Variants in CEP112 observed in about 807,000 individuals in gnomAD.
CEP112 encodes centrosomal protein 112, also known as centrosomal protein of 112 kDa.
A neutral mutation model predicts 153.0 loss-of-function variants in CEP112; 127 were observed. The observed-to-expected ratio is 0.83, with a 90% CI of 0.72 to 0.96. The LOEUF (loss-of-function observed/expected upper bound fraction) is 0.96. CEP112 is among the 40% of genes least tolerant of loss of function. The probability of loss-of-function intolerance (pLI) is 0.00; values close to 1 mark genes in which losing one functional copy is unlikely to be tolerated. For missense variants in CEP112, 1,089 were observed against 1,101.2 expected (o/e 0.99, Z 0.16); for synonymous variants, 358 against 374.4 (o/e 0.96, Z 0.51).
chr17:66,154,118 G>A (rs2071329167), intron 4 of CEP112, among the ~76,000 whole-genome samples: 1 of 152,096 alleles, frequency 6.6e-6, no homozygotes, highest in Non-Finnish European at 1.5e-5. Flanking sequence ...GGTGGAGGTT[G>A]CAGTGAGCCA....
In CEP112 at chr17:66,183,239, C is replaced by T. The variant is rs776829869; in HGVS notation, c.61G>A (p.Val21Met). The part of the protein sequence containing the change: ...EKLDAEFDHF[V>M]VDMKPFVLKL... ...AGAACAAAGGGCTTCATATCAACCACAAAGTGATCAAATTCTGCATCCAGC... is the reference window on the plus strand; with the variant it reads ...AGAACAAAGGGCTTCATATCAACCATAAAGTGATCAAATTCTGCATCCAGC... The change falls in exon 2 of 27, where the codon GTG becomes ATG. Residue 21 changes from valine (V) to methionine (M), a missense_variant. By Grantham distance (21) the Val-to-Met change is conservative. Coordinates refer to ENST00000535342, the MANE Select transcript of CEP112 (RefSeq NM_001199165.4). 6.2e-7 allele frequency: 1 copy of T among 1,612,662 alleles called. No individual in the cohort carries two copies.
intron 15 of CEP112, among the ~76,000 whole-genome samples, chr17:66,028,100 C>A (rs1054326287): frequency 1.4e-5 from 2 of 144,956 alleles, no homozygotes; most frequent in African/African-American, 2.5e-5. Flanking sequence ...AGAGATCATT[C>A]CAATTCAAAT....
intron 24 of CEP112, among the ~76,000 whole-genome samples, chr17:65,662,333 G>A (rs2046428879): frequency 1.3e-5 from 2 of 152,172 alleles, no homozygotes; most frequent in Non-Finnish European, 2.9e-5. Flanking sequence ...ACAGTACTGG[G>A]AGAGCAATAG....
At chr17:66,002,163 T>C (rs2064085535) in intron 17 of CEP112, among the ~76,000 whole-genome samples, 1 of 152,010 alleles carries the variant, frequency 6.6e-6, no homozygotes, top group South Asian at 2.1e-4. Context: ...AAATATCAAC[T>C]TGAGCTCTAA....
At chr17:65,740,576 T>C (rs770981244) in intron 23 of CEP112, among the ~76,000 whole-genome samples, 2 of 152,224 alleles carry the variant, frequency 1.3e-5, no homozygotes, top group Non-Finnish European at 2.9e-5. Context: ...GGAAGCATTA[T>C]TATAAGCTCT....
intron 12 of CEP112, among the ~76,000 whole-genome samples, chr17:66,034,354 G>C (rs1270960308): frequency 6.6e-6 from 1 of 152,026 alleles, no homozygotes; most frequent in Non-Finnish European, 1.5e-5. Context: ...ATCCAACATA[G>C]AGGTAAAGAT....
At chr17:65,646,737 G>A (rs1017697583) in intron 24 of CEP112, among the ~76,000 whole-genome samples, 2 of 152,190 alleles carry the variant, frequency 1.3e-5, no homozygotes, top group Admixed American at 1.3e-4. Context: ...CCAGGGGGAA[G>A]AGAATGCCAG....
intron 6 of CEP112, among the ~76,000 whole-genome samples, chr17:66,111,860 G>C (rs538374366): frequency 1.3e-5 from 2 of 152,100 alleles, no homozygotes; most frequent in Non-Finnish European, 2.9e-5. Context: ...ATCAGTAAGA[G>C]AGAAATTAAT....
intron 1 of CEP112, among the ~76,000 whole-genome samples, chr17:66,188,788 G>T (rs908468751): frequency 6.6e-6 from 1 of 152,040 alleles, no homozygotes; most frequent in Non-Finnish European, 1.5e-5. Context: ...GTAACAGAAG[G>T]CTATGATACC....
intron 18 of CEP112, among the ~76,000 whole-genome samples, chr17:65,945,194 T>C (rs1046104448): frequency 3.3e-5 from 5 of 152,228 alleles, no homozygotes; most frequent in African/African-American, 1.2e-4. Flanking sequence ...AATTCAAACA[T>C]GTTATTAGGT....
intron 21 of CEP112, among the ~76,000 whole-genome samples, chr17:65,821,615 G>A (rs1453970008): frequency 3.0e-5 from 4 of 131,650 alleles, no homozygotes; most frequent in Non-Finnish European, 3.1e-5. Flanking sequence ...ACAGTGGTGC[G>A]ATCTCGGCTT....
intron 20 of CEP112, among the ~76,000 whole-genome samples, chr17:65,874,223 A>G (rs909272636): frequency 6.6e-6 from 1 of 152,148 alleles, no homozygotes; most frequent in Non-Finnish European, 1.5e-5. Context: ...AAATCTTGCA[A>G]GTAGGAATCA....
intron 16 of CEP112, among the ~76,000 whole-genome samples, chr17:66,010,772 A>G (rs1378431000): frequency 6.6e-6 from 1 of 152,104 alleles, no homozygotes; most frequent in East Asian, 1.9e-4. Flanking sequence ...ATTGATTTGC[A>G]TATGTTGAGT....
chr17:65,692,308 G>A (rs1040296447), intron 23 of CEP112, among the ~76,000 whole-genome samples: 6 of 147,386 alleles, frequency 4.1e-5, no homozygotes, highest in Admixed American at 2.8e-4. Context: ...GACTCATTGC[G>A]ACCTCCACCT....
intron 23 of CEP112, among the ~76,000 whole-genome samples, chr17:65,718,482 T>G (rs2049681000): frequency 1.3e-5 from 2 of 152,162 alleles, no homozygotes; most frequent in African/African-American, 4.8e-5. Context: ...AGTACCTCCT[T>G]CAACTCATCC....
rs759436771 is a variant in CEP112 at position 66,083,349 on chromosome 17, CTG to C, written c.768+12900_768+12901del. Among the ~76,000 whole-genome samples, 168 of 152,264 alleles carry C rather than the reference CTG, an allele frequency of 1.1e-3. 1 individual carries two copies. The highest frequency in any genetic ancestry group is 1.8e-4 in the Non-Finnish European group (12 of 68,020). On this transcript the variant is annotated intron_variant, in intron 8 of 26. Transcript: ENST00000535342. ...TGTGAGGCCTCCCAGCCATACAGAACTGTGAGTCCATTAAACCTCTTTTTCGT... is the reference window on the plus strand; with the variant it reads ...TGTGAGGCCTCCCAGCCATACAGAACTGAGTCCATTAAACCTCTTTTTCGT...
At chr17:65,803,985 C>T (rs1015691957) in intron 21 of CEP112, among the ~76,000 whole-genome samples, 2 of 152,154 alleles carry the variant, frequency 1.3e-5, no homozygotes, top group African/African-American at 2.4e-5. Flanking sequence ...AGTTTAACCT[C>T]AAGCTAATAG....
At chr17:65,857,537 G>T (rs571265634) in intron 20 of CEP112, among the ~76,000 whole-genome samples, 1 of 152,206 alleles carries the variant, frequency 6.6e-6, no homozygotes, top group East Asian at 1.9e-4. Context: ...ACCACACCTG[G>T]TCAATGTTTA....
rs114146268 is a variant in CEP112, at chr17:65,862,013, T to C, written c.2164-9979A>G. The stretch of plus-strand genomic sequence containing the variant: ...GGAATATTATATACAGCAAAATGAA[T>C]TAACCAGAGCTGTGCACAACACAAT... On this transcript the variant is annotated intron_variant, in intron 20 of 26. Coordinates refer to ENST00000535342, the MANE Select transcript of CEP112 (RefSeq NM_001199165.4). Among the ~76,000 whole-genome samples, 108 of 152,316 alleles carry C rather than the reference T, an allele frequency of 7.1e-4. 1 individual carries two copies. The highest frequency in any genetic ancestry group is 2.4e-3 in the African/African-American group (100 of 41,558).
Sources: gnomAD v4.1 joint callset for allele counts (sites outside exome capture counted in the v4.1 genomes callset) on GRCh38, gnomAD v4.1.1 for gene constraint, MANE v1.5 for transcripts, NCBI Gene and HGNC (gene_info 2026-07-23, HGNC 2026-07-21) for gene names.